FBXW7: variants seen among roughly 807,000 people sequenced by gnomAD.
FBXW7 encodes the protein F-box/WD repeat-containing protein 7.
FBXW7 carries 11 observed loss-of-function variants against 86.3 expected under a neutral mutation model. The ratio of observed to expected loss-of-function variants is 0.13; its 90% CI spans 0.08 to 0.21. The LOEUF (loss-of-function observed/expected upper bound fraction) is 0.21. FBXW7 is among the 10% of genes least tolerant of loss of function. The pLI, the probability that FBXW7 is intolerant of heterozygous loss-of-function variation, is 1.00. For synonymous variants in FBXW7, 313 were observed against 297.9 expected (o/e 1.05, Z -0.52); for missense variants, 488 against 847.4 (o/e 0.58, Z 5.27).
rs974933744 is a variant in FBXW7 at position 152,497,712 on chromosome 4, C to T, written c.-120+37229G>A. On this transcript the variant is annotated intron_variant, in intron 2 of 13. Coordinates refer to ENST00000281708, the MANE Select transcript of FBXW7 (RefSeq NM_001349798.2). Reference sequence around the variant, plus strand: ...TGGTAGCTCCACTTTGGACTGGACTCGGCAATACTTGATAAAGTGGCACCT... The same window carrying T: ...TGGTAGCTCCACTTTGGACTGGACTTGGCAATACTTGATAAAGTGGCACCT... 2.0e-5 allele frequency among the ~76,000 whole-genome samples: 3 copies of T among 152,060 alleles called. No homozygotes were observed. The East Asian group carries it at 5.8e-4, about 29-fold the overall frequency.
intron 2 of FBXW7, among the ~76,000 whole-genome samples, chr4:152,525,847 T>C (rs556819650): frequency 6.6e-6 from 1 of 152,314 alleles, no homozygotes; most frequent in South Asian, 2.1e-4. Flanking sequence ...GGTGGAATGG[T>C]AGTTCTGCTG....
chr4:152,535,990 T>C lies in FBXW7; in HGVS notation c.-1076A>G. On this transcript the variant is annotated 5_prime_UTR_variant, in exon 1 of 14. Coordinates refer to ENST00000281708, the MANE Select transcript of FBXW7 (RefSeq NM_001349798.2). ...GGATCTCTCGGATGCTCCTTCGCTC[T>C]CAGTCTCAGCGGCGGCGGCGGCGGC... 4.0e-6 allele frequency: 1 copy of C among 248,300 alleles called. No homozygotes were observed. The highest frequency in any genetic ancestry group is 8.0e-5 in the South Asian group (1 of 12,570). 15.4% of individuals were successfully genotyped at this position (248,300 alleles called of 1,614,324 possible).
chr4:152,423,920 C>G (rs1439613102), intron 2 of FBXW7, among the ~76,000 whole-genome samples: 1 of 152,114 alleles, frequency 6.6e-6, no homozygotes, highest in African/African-American at 2.4e-5. Flanking sequence ...TGTTACTTTT[C>G]TCAGAGTATG....
intron 4 of FBXW7, among the ~76,000 whole-genome samples, chr4:152,360,747 T>C (rs1732857806): frequency 1.3e-5 from 2 of 151,794 alleles, no homozygotes; most frequent in Admixed American, 1.3e-4. Context: ...TAAGGTACGG[T>C]CCTTTTGAAA....
chr4:152,335,852 G>C (rs991849862), intron 7 of FBXW7, among the ~76,000 whole-genome samples: 11 of 152,144 alleles, frequency 7.2e-5, no homozygotes, highest in Admixed American at 7.2e-4. Flanking sequence ...TCTATTGTAT[G>C]ATTATGATTT....
At chr4:152,375,438 T>C (rs1579033552) in intron 4 of FBXW7, among the ~76,000 whole-genome samples, 1 of 152,026 alleles carries the variant, frequency 6.6e-6, no homozygotes, top group East Asian at 1.9e-4. Flanking sequence ...GATCACAGTT[T>C]TAAAACGATG....
chr4:152,424,832 T>C (rs1414603292), intron 2 of FBXW7, among the ~76,000 whole-genome samples: 1 of 152,354 alleles, frequency 6.6e-6, no homozygotes, highest in East Asian at 1.9e-4. Context: ...CATCAAATGA[T>C]ATGTACTCTA....
At chr4:152,428,384 A>T (rs1223334277) in intron 2 of FBXW7, among the ~76,000 whole-genome samples, 1 of 152,228 alleles carries the variant, frequency 6.6e-6, no homozygotes, top group Middle Eastern at 3.2e-3. Context: ...TTATACTTAC[A>T]AAATTTTTTA....
chr4:152,497,093 C>A (rs374123749), intron 2 of FBXW7, among the ~76,000 whole-genome samples: 44 of 152,154 alleles, frequency 2.9e-4, no homozygotes, highest in African/African-American at 1.0e-3. Flanking sequence ...GAGGCCAAGG[C>A]GGGCAGATCA....
chr4:152,402,131 T>C (rs1269267712), intron 4 of FBXW7, among the ~76,000 whole-genome samples: 4 of 152,068 alleles, frequency 2.6e-5, no homozygotes, highest in African/African-American at 7.2e-5. Context: ...GGTTACCAAA[T>C]AATAATAAGA....
intron 2 of FBXW7, among the ~76,000 whole-genome samples, chr4:152,448,762 A>G (rs754488572): frequency 3.3e-5 from 5 of 152,202 alleles, no homozygotes; most frequent in Non-Finnish European, 5.9e-5. Flanking sequence ...CCACAAACTC[A>G]TCGCCAAGAA....
chr4:152,362,535 G>A (rs1733063982), intron 4 of FBXW7, among the ~76,000 whole-genome samples: 1 of 152,088 alleles, frequency 6.6e-6, no homozygotes, highest in Admixed American at 6.5e-5. Flanking sequence ...TTAGGGCCGG[G>A]CGCAGTGGCT....
chr4:152,428,546 T>C (rs1033969549), intron 2 of FBXW7, among the ~76,000 whole-genome samples: 12 of 152,230 alleles, frequency 7.9e-5, no homozygotes, highest in African/African-American at 1.2e-4. Flanking sequence ...ATCAGATGGA[T>C]TGTGCCTGCG....
Position 152,454,650 on chromosome 4 carries a change from T to TA in FBXW7, c.-119-42122dup, listed in dbSNP as rs201948161. Among the ~76,000 whole-genome samples the TA allele has an allele frequency of 2.6e-3, 393 of 151,910 alleles. 8 individuals carry two copies. The highest frequency in any genetic ancestry group is 6.8e-4 in the Non-Finnish European group (46 of 67,920). On this transcript the variant is annotated intron_variant, in intron 2 of 13. Coordinates refer to ENST00000281708, the MANE Select transcript of FBXW7 (RefSeq NM_001349798.2). ...GAATTCCACACTAAATAGCCCTTTT[T>TA]AAAAAAAACTAAACACTGACTTTCA...
intron 2 of FBXW7, among the ~76,000 whole-genome samples, chr4:152,424,202 C>T (rs546620613): frequency 2.0e-4 from 30 of 152,108 alleles, no homozygotes; most frequent in Middle Eastern, 6.8e-3. Flanking sequence ...CATTGGGATT[C>T]GGCAGTAGGG....
chr4:152,535,765 T>C lies in FBXW7; in HGVS notation c.-851A>G. ...CTCTCACCGCGGAGCAGCTACCCAC[T>C]CCCGGCCCGTGGTAGCCGCCTCCCT... On this transcript the variant is annotated 5_prime_UTR_variant, in exon 1 of 14. Coordinates refer to ENST00000281708, the MANE Select transcript of FBXW7 (RefSeq NM_001349798.2). The C allele has an allele frequency of 2.6e-6, 1 of 391,118 alleles. No individual in the cohort carries two copies. The highest frequency in any genetic ancestry group is 4.5e-6 in the Non-Finnish European group (1 of 222,114). 24.2% of individuals were successfully genotyped at this position (391,118 alleles called of 1,614,324 possible).
chr4:152,404,114 T>G (rs568991979), intron 4 of FBXW7, among the ~76,000 whole-genome samples: 1 of 152,264 alleles, frequency 6.6e-6, no homozygotes, highest in East Asian at 1.9e-4. Context: ...CTTTCCACTA[T>G]GAAATGGGGG....
chr4:152,373,583 C>T (rs1171919306), intron 4 of FBXW7, among the ~76,000 whole-genome samples: 2 of 151,874 alleles, frequency 1.3e-5, no homozygotes, highest in Non-Finnish European at 1.5e-5. Flanking sequence ...AGACAAGACA[C>T]GATCCCAAGC....
At chr4:152,425,306 T>A (rs969683825) in intron 2 of FBXW7, among the ~76,000 whole-genome samples, 1 of 152,180 alleles carries the variant, frequency 6.6e-6, no homozygotes, top group Non-Finnish European at 1.5e-5. Context: ...AGCAATTCCA[T>A]ACCCCACAAT....
Sources: allele counts gnomAD v4.1 joint callset (sites outside exome capture counted in the v4.1 genomes callset), GRCh38; gene constraint gnomAD v4.1.1; transcripts MANE v1.5; gene names NCBI Gene and HGNC (gene_info 2026-07-23, HGNC 2026-07-21).